HTT: variants seen among roughly 807,000 people sequenced by gnomAD.
The protein encoded by HTT is huntington disease protein.
In HTT, 104 loss-of-function variants were observed where a neutral mutation model predicts 362.3. The observed-to-expected ratio is 0.29, with a 90% CI of 0.24 to 0.34. HTT has a LOEUF of 0.34. Ranked by LOEUF, HTT falls within the 10% of genes least tolerant of loss-of-function variation. The pLI, the probability that HTT is intolerant of heterozygous loss-of-function variation, is 1.00. For missense variants in HTT, 3,301 were observed against 3,928.6 expected (o/e 0.84, Z 4.27); for synonymous variants, 1,577 against 1,548.7 (o/e 1.02, Z -0.43).
intron 6 of HTT, among the ~76,000 whole-genome samples, chr4:3,111,885 C>A (rs1393330176): frequency 6.6e-6 from 1 of 152,144 alleles, no homozygotes; most frequent in East Asian, 1.9e-4. Context: ...TATGTGGCGC[C>A]TCCAAAGCCC....
rs1328440010 is a variant in HTT at position 3,180,523 on chromosome 4, G to A, written c.4621G>A (p.Ala1541Thr). The A allele has an allele frequency of 4.4e-6, 7 of 1,602,082 alleles. No individual in the cohort carries two copies. Among genetic ancestry groups the A allele is most frequent in the Non-Finnish European group, 6.0e-6 (7 of 1,174,442 alleles). ...GRKAVTHAIP[A>T]LQPIVHDLFV... is the part of the protein sequence containing the mutation. Reference sequence around the variant, plus strand: ...CCCTTTTGTCCCCACAGCCATACCGGCTCTGCAGCCCATAGTCCACGACCT... The same window carrying A: ...CCCTTTTGTCCCCACAGCCATACCGACTCTGCAGCCCATAGTCCACGACCT... The change falls in exon 36 of 67, where the codon GCT (alanine) becomes ACT (threonine). Residue 1541 changes from alanine (A) to threonine (T), a missense_variant. Physicochemically the swap from Ala to Thr is moderately conservative, Grantham distance 58 (BLOSUM62 0). Around this residue, in one of 4 missense-constraint regions of HTT, gnomAD observed 2,316 missense variants for 2,658.5 expected, o/e 0.87. Coordinates refer to ENST00000355072, the MANE Select transcript of HTT (RefSeq NM_001388492.1).
At chr4:3,075,464 T>A (rs1361253956) in intron 1 of HTT, among the ~76,000 whole-genome samples, 1 of 152,142 alleles carries the variant, frequency 6.6e-6, no homozygotes, top group East Asian at 1.9e-4. Flanking sequence ...TTCTTTTAAC[T>A]GCGTTGTGAA....
chr4:3,080,372 G>A (rs543626304), intron 1 of HTT, among the ~76,000 whole-genome samples: 1 of 152,226 alleles, frequency 6.6e-6, no homozygotes, highest in South Asian at 2.1e-4. Context: ...TGGGATTACA[G>A]GTTTGGGCCA....
At chr4:3,239,134 G>A (rs557087846) in intron 66 of HTT, among the ~76,000 whole-genome samples, 156 bp downstream of exon 66, 1 of 152,204 alleles carries the variant, frequency 6.6e-6, no homozygotes, top group Non-Finnish European at 1.5e-5. Flanking sequence ...GCTGACAGGG[G>A]TACAGAAAGG....
intron 62 of HTT, 39 bp downstream of exon 62, chr4:3,235,437 G>A (rs1721481370): frequency 2.6e-6 from 4 of 1,517,934 alleles, no homozygotes; most frequent in Non-Finnish European, 2.7e-6. Context: ...CACACGGGGA[G>A]TGGGCTTCCC....
intron 6 of HTT, among the ~76,000 whole-genome samples, chr4:3,113,567 T>C (rs776557268): frequency 5.3e-5 from 8 of 152,206 alleles, no homozygotes; most frequent in Non-Finnish European, 1.0e-4. Context: ...TGACCTCAAG[T>C]GATCTGCCTT....
intron 47 of HTT, 85 bp from the exon 48 acceptor site, chr4:3,211,844 C>G: frequency 1.0e-6 from 1 of 996,388 alleles, no homozygotes; most frequent in Non-Finnish European, 1.6e-6. Flanking sequence ...TTGCCTTATT[C>G]TTTTTTCTGT....
intron 21 of HTT, among the ~76,000 whole-genome samples, chr4:3,138,696 C>T (rs762778423): frequency 6.6e-6 from 1 of 152,138 alleles, no homozygotes; most frequent in Non-Finnish European, 1.5e-5. Context: ...TCACTGCAGT[C>T]TCTGCCTCCC....
chr4:3,209,009 A>G (rs1258872047), intron 46 of HTT, 98 bp downstream of exon 46: 30 of 1,331,204 alleles, frequency 2.3e-5, no homozygotes, highest in Non-Finnish European at 2.5e-5. Flanking sequence ...CCGTGGACCC[A>G]AGGAGTTCTG....
At chr4:3,220,339 A>G (rs1249393293) in intron 53 of HTT, 31 bp downstream of exon 53, 6 of 1,598,514 alleles carry the variant, frequency 3.8e-6, no homozygotes, top group Non-Finnish European at 4.3e-6. Context: ...TCAGGTCACC[A>G]TTGTCGGACA....
intron 3 of HTT, among the ~76,000 whole-genome samples, chr4:3,103,385 C>G (rs774336503): frequency 6.6e-6 from 1 of 151,440 alleles, no homozygotes; most frequent in South Asian, 2.1e-4. Context: ...CCACCACACC[C>G]GGCTAATTTT....
chr4:3,134,847 A>G (rs1247951773), intron 19 of HTT, among the ~76,000 whole-genome samples: 1 of 152,142 alleles, frequency 6.6e-6, no homozygotes, highest in Non-Finnish European at 1.5e-5. Flanking sequence ...CTCCTGCCTC[A>G]GCCTCCCGAT....
chr4:3,125,039 C>T (rs1235104422), intron 10 of HTT, among the ~76,000 whole-genome samples: 3 of 152,076 alleles, frequency 2.0e-5, no homozygotes, highest in African/African-American at 7.2e-5. Flanking sequence ...TTATTTCATC[C>T]TTCCAGATCA....
intron 6 of HTT, among the ~76,000 whole-genome samples, chr4:3,108,235 T>C (rs1029315249): frequency 2.6e-5 from 4 of 152,232 alleles, no homozygotes; most frequent in African/African-American, 9.6e-5. Flanking sequence ...TCTTATTAGC[T>C]GAATGATTTG....
At chr4:3,113,209 C>T (rs1714851624) in intron 6 of HTT, among the ~76,000 whole-genome samples, 1 of 152,164 alleles carries the variant, frequency 6.6e-6, no homozygotes. Context: ...GAGGAGGCCC[C>T]TTGGAGCTCT....
At chr4:3,076,771 C>T (rs1045897218) in intron 1 of HTT, among the ~76,000 whole-genome samples, 1 of 152,186 alleles carries the variant, frequency 6.6e-6, no homozygotes, top group Non-Finnish European at 1.5e-5. Context: ...TTGACAGAAC[C>T]TGCATTTGCT....
Position 3,080,549 on chromosome 4 carries a change from A to G in HTT, c.263+5461A>G, listed in dbSNP as rs114599034. Among the ~76,000 whole-genome samples, 997 of 152,150 alleles carry G rather than the reference A, an allele frequency of 6.6e-3. 13 individuals are homozygous for G. Among genetic ancestry groups the G allele is most frequent in the African/African-American group, 0.023 (936 of 41,492 alleles). On this transcript the variant is annotated intron_variant, in intron 1 of 66. Transcript: ENST00000355072. ...TTGTAAAAACTCTCCCTTCCTTTGG[A>G]TTGTCTTTTTACTTTCTTGATAGTG...
Position 3,121,374 on chromosome 4 carries a change from C to T in HTT, c.1215C>T (p.Thr405=), listed in dbSNP as rs374296062. The change falls in exon 9 of 67, where the codon ACC becomes ACT. Residue 405 remains threonine, a synonymous_variant. Transcript: ENST00000355072. ...CAGTCGGGGGCATTGGGCAGCTCAC[C>T]GCTGCTAAGGAGGAGTCTGGTGGCC... The part of the protein sequence containing the change: ...LTAVGGIGQL[T]AAKEESGGRS... 129 of 1,614,090 alleles carry T rather than the reference C, an allele frequency of 8.0e-5. No homozygotes were observed. The highest frequency in any genetic ancestry group is 2.0e-4 in the South Asian group (18 of 91,078).
At chr4:3,146,605 T>A (rs934407939) in intron 24 of HTT, among the ~76,000 whole-genome samples, 192 bp from the exon 25 acceptor site, 1 of 152,228 alleles carries the variant, frequency 6.6e-6, no homozygotes, top group Non-Finnish European at 1.5e-5. Flanking sequence ...TACTACCTGA[T>A]TTCATTTCTC....
Sources: allele counts gnomAD v4.1 joint callset (sites outside exome capture counted in the v4.1 genomes callset), GRCh38; gene constraint gnomAD v4.1.1; regional missense constraint gnomAD v4.1.1; transcripts MANE v1.5; gene names NCBI Gene and HGNC (gene_info 2026-07-23, HGNC 2026-07-21).